The following VMP1 variants were observed in gnomAD, a reference collection of about 807,000 sequenced individuals.
VMP1 encodes vacuole membrane protein 1.
VMP1 carries 11 observed loss-of-function variants against 56.0 expected under a neutral mutation model. The ratio of observed to expected loss-of-function variants is 0.20; its 90% CI spans 0.12 to 0.32. VMP1 has a LOEUF of 0.32. VMP1 is among the 10% of genes least tolerant of loss of function. VMP1 has a pLI of 1.00. For synonymous variants in VMP1, 149 were observed against 165.0 expected (o/e 0.90, Z 0.74); for missense variants, 296 against 490.3 (o/e 0.60, Z 3.74).
chr17:59,719,491 T>G lies in VMP1; in HGVS notation c.-27+11743T>G, dbSNP rs185520459. 2.4e-3 allele frequency among the ~76,000 whole-genome samples: 362 copies of G among 152,334 alleles called. 5 individuals are homozygous for G. The highest frequency in any genetic ancestry group is 0.021 in the Admixed American group (314 of 15,300). On this transcript the variant is annotated intron_variant, in intron 1 of 11. Transcript: ENST00000262291. ...TAAAATTCATCTGGATAGATGATTTTTTTTTTTAAAGAAAGTATGTTCGTT... is the reference window on the plus strand; with the variant it reads ...TAAAATTCATCTGGATAGATGATTTGTTTTTTTAAAGAAAGTATGTTCGTT...
chr17:59,737,034 C>CA (rs930163946), intron 3 of VMP1, among the ~76,000 whole-genome samples: 22 of 149,046 alleles, frequency 1.5e-4, no homozygotes, highest in Middle Eastern at 6.8e-3. Flanking sequence ...GACTCCATCT[C>CA]AAAAAAAAAT....
intron 6 of VMP1, among the ~76,000 whole-genome samples, chr17:59,765,512 C>T (rs759121413): frequency 1.6e-4 from 25 of 152,264 alleles, no homozygotes; most frequent in Non-Finnish European, 2.8e-4. Flanking sequence ...TAATAGCCTA[C>T]TGTTGAACGG....
chr17:59,713,677 A>ATC (rs1312627464), intron 1 of VMP1, among the ~76,000 whole-genome samples: 4 of 134,278 alleles, frequency 3.0e-5, no homozygotes, highest in Middle Eastern at 4.0e-3. Context: ...GCAAAACCCC[A>ATC]TCTCTCTTTT....
intron 5 of VMP1, among the ~76,000 whole-genome samples, chr17:59,760,787 AT>A (rs1322458964): frequency 2.0e-5 from 3 of 151,830 alleles, no homozygotes; most frequent in Non-Finnish European, 2.9e-5. Context: ...TACCCAGCTA[AT>A]TTTTGTATTT....
Position 59,738,474 on chromosome 17 carries a change from AT to A in VMP1, c.304-362del, listed in dbSNP as rs560023742. The stretch of plus-strand genomic sequence containing the variant: ...GGTATTTTAAAACAGTTTACTGCTA[AT>A]CACAGAGAAGTTTTTACAGTTCTAA... On this transcript the variant is annotated intron_variant, in intron 4 of 11. Transcript: ENST00000262291. Among the ~76,000 whole-genome samples the A allele has an allele frequency of 6.6e-5, 10 of 152,362 alleles. No homozygotes were observed. The South Asian group carries it at 2.1e-3, about 32-fold the overall frequency.
intron 1 of VMP1, among the ~76,000 whole-genome samples, chr17:59,725,607 C>T (rs2034572172): frequency 6.7e-6 from 1 of 150,134 alleles, no homozygotes; most frequent in Non-Finnish European, 1.5e-5. Context: ...TTTAGAACCT[C>T]AGTGGCTCTC....
chr17:59,728,003 A>G (rs979594338), intron 1 of VMP1, among the ~76,000 whole-genome samples: 1 of 152,236 alleles, frequency 6.6e-6, no homozygotes, highest in Non-Finnish European at 1.5e-5. Context: ...AAGGCTATCT[A>G]TACTAATAGA....
rs35210425 is a variant in VMP1 at position 59,739,723 on chromosome 17, CAAAA to C, written c.414+795_414+798del. On this transcript the variant is annotated intron_variant, in intron 5 of 11. Transcript: ENST00000262291. Reference sequence around the variant, plus strand: ...TGGGCGACAGAGCAAGACTCTGTCTCAAAAAAAAAAAAAAAAAAAAAAGTGCCCC... The same window carrying C: ...TGGGCGACAGAGCAAGACTCTGTCTCAAAAAAAAAAAAAAAAAAGTGCCCC... 1.2e-4 allele frequency among the ~76,000 whole-genome samples: 5 copies of C among 41,554 alleles called. No homozygotes were observed. The South Asian group carries it at 3.2e-3, about 26-fold the overall frequency. The allele number at this position is 41,554 out of a possible 152,430, so 27.3% of individuals were successfully genotyped here.
chr17:59,787,734 T>C lies in VMP1; in HGVS notation c.714+13849T>C, dbSNP rs180736958. On this transcript the variant is annotated intron_variant, in intron 7 of 11. Coordinates refer to ENST00000262291, the MANE Select transcript of VMP1 (RefSeq NM_030938.5). ...TACTCAGGAGGCTGAGGCAAGAGAATTGCTTGAACCAGGGAGGCAGAGGAT... is the reference window on the plus strand; with the variant it reads ...TACTCAGGAGGCTGAGGCAAGAGAACTGCTTGAACCAGGGAGGCAGAGGAT... 7.2e-5 allele frequency among the ~76,000 whole-genome samples: 11 copies of C among 152,188 alleles called. No individual in the cohort carries two copies. In the East Asian group the frequency reaches 1.9e-3, roughly 27 times the overall value.
intron 2 of VMP1, among the ~76,000 whole-genome samples, chr17:59,734,965 TC>T (rs1469464976): frequency 1.3e-5 from 2 of 148,684 alleles, no homozygotes; most frequent in Non-Finnish European, 3.0e-5. Context: ...AGGCTGGTCT[TC>T]AGTGGCACAA....
In VMP1 at chr17:59,733,733, A is replaced by G. The variant is rs980792672; in HGVS notation, c.77-1605A>G. Among the ~76,000 whole-genome samples the G allele has an allele frequency of 3.9e-5, 6 of 152,282 alleles. No individual in the cohort carries two copies. The East Asian group carries it at 1.2e-3, about 29-fold the overall frequency. ...AAAAACAAAAACAAAAGCATTTTGT[A>G]ATTTCAATAGATGGTGACAATTAAT... On this transcript the variant is annotated intron_variant, in intron 2 of 11. Transcript: ENST00000262291.
intron 5 of VMP1, among the ~76,000 whole-genome samples, chr17:59,747,012 C>A (rs928693089): frequency 1.3e-5 from 2 of 152,134 alleles, no homozygotes; most frequent in Non-Finnish European, 2.9e-5. Flanking sequence ...CAAAATATAT[C>A]TATATTTGGC....
At chr17:59,818,357 A>T (rs994240684) in intron 10 of VMP1, among the ~76,000 whole-genome samples, 3 of 152,020 alleles carry the variant, frequency 2.0e-5, no homozygotes, top group Non-Finnish European at 4.4e-5. Flanking sequence ...ACAGAGCAAG[A>T]CTCTATCTCA....
intron 10 of VMP1, among the ~76,000 whole-genome samples, chr17:59,829,723 G>T (rs1175399044): frequency 6.6e-6 from 1 of 152,098 alleles, no homozygotes; most frequent in Non-Finnish European, 1.5e-5. Context: ...TCTTGTTGCT[G>T]ATCTTCTCCC....
At chr17:59,809,514 T>C (rs2037977265) in intron 8 of VMP1, among the ~76,000 whole-genome samples, 1 of 57,406 alleles carries the variant, frequency 1.7e-5, no homozygotes, top group Non-Finnish European at 3.9e-5. Flanking sequence ...TTTTTTTTTT[T>C]TTTTTTTTTT....
At chr17:59,798,360 G>A (rs1451246002) in intron 7 of VMP1, among the ~76,000 whole-genome samples, 2 of 152,128 alleles carry the variant, frequency 1.3e-5, no homozygotes, top group African/African-American at 2.4e-5. Flanking sequence ...CAGTTCTCAC[G>A]TAACTTTTGA....
At chr17:59,838,229 T>A (rs989844752) in intron 10 of VMP1, 66 bp from the exon 11 acceptor site, 14 of 1,408,982 alleles carry the variant, frequency 9.9e-6, no homozygotes, top group Non-Finnish European at 1.4e-5. Context: ...ACATTTTCTT[T>A]AACGTTTTTC....
chr17:59,750,919 A>G (rs977741853), intron 5 of VMP1, among the ~76,000 whole-genome samples: 4 of 144,156 alleles, frequency 2.8e-5, no homozygotes, highest in Non-Finnish European at 6.0e-5. Context: ...TTTTTCCAAG[A>G]TAGCACCTTT....
At position 59,840,224 on chromosome 17, in the gene VMP1, C is replaced by T. The variant is rs1305013410; in HGVS notation, c.*313C>T. On this transcript the variant is annotated 3_prime_UTR_variant, in exon 12 of 12. Coordinates refer to ENST00000262291, the MANE Select transcript of VMP1 (RefSeq NM_030938.5). ...CCCACATGATACAATTAGAGAATTC[C>T]CACCGCACAAAAAAAGTTCCTAAGT... is the stretch of plus-strand genomic sequence containing the variant. 7.7e-6 allele frequency: 2 copies of T among 259,462 alleles called. No individual in the cohort carries two copies. Among genetic ancestry groups the T allele is most frequent in the Non-Finnish European group, 1.5e-5 (2 of 136,976 alleles). The allele number at this position is 259,462 out of a possible 1,614,324, so 16.1% of individuals were successfully genotyped here. A position where few individuals can be genotyped will look rare whatever the true frequency, so the allele number is the denominator to read the frequency against.
Sources: gnomAD v4.1 joint callset for allele counts (sites outside exome capture counted in the v4.1 genomes callset) on GRCh38, gnomAD v4.1.1 for gene constraint, MANE v1.5 for transcripts, NCBI Gene and HGNC (gene_info 2026-07-23, HGNC 2026-07-21) for gene names.